The following ELAVL2 variants were observed in gnomAD, a reference collection of about 807,000 sequenced individuals.
The protein encoded by ELAVL2 is ELAV like RNA binding protein 2, also known as ELAV-like protein 2.
Under a neutral mutation model 34.6 loss-of-function variants are expected in ELAVL2, and 4 were observed. The ratio of observed to expected loss-of-function variants is 0.12; its 90% CI spans 0.06 to 0.26. ELAVL2 has a LOEUF of 0.26. Ranked by LOEUF, ELAVL2 falls within the 10% of genes least tolerant of loss-of-function variation. ELAVL2 has a pLI of 1.00. For missense variants in ELAVL2, 432 were observed against 442.8 expected (o/e 0.98, Z 0.22); for synonymous variants, 193 against 154.8 (o/e 1.25, Z -1.83).
intron 1 of ELAVL2, among the ~76,000 whole-genome samples, chr9:23,765,924 TG>T (rs2056151143): frequency 6.6e-6 from 1 of 152,134 alleles, no homozygotes; most frequent in African/African-American, 2.4e-5. Flanking sequence ...TACCACTTAT[TG>T]AAACTTGCCC....
chr9:23,752,899 A>C (rs1375980980), intron 2 of ELAVL2, among the ~76,000 whole-genome samples: 2 of 152,176 alleles, frequency 1.3e-5, no homozygotes, highest in African/African-American at 4.8e-5. Context: ...TGGTGTCAGA[A>C]ATTACTGAGT....
intron 1 of ELAVL2, among the ~76,000 whole-genome samples, chr9:23,780,878 A>C (rs1373218120): frequency 6.6e-6 from 1 of 152,218 alleles, no homozygotes; most frequent in Non-Finnish European, 1.5e-5. Flanking sequence ...CTTTCACATA[A>C]AACAGTCAGG....
At chr9:23,850,138 C>T in the ELAVL2 span, among the ~76,000 whole-genome samples, 4 of 151,726 alleles carry the variant, frequency 2.6e-5, no homozygotes, top group Non-Finnish European at 5.9e-5. Context: ...GCCAAACTAA[C>T]AAAACAAAAG....
At chr9:23,707,726 G>A (rs891095829) in intron 3 of ELAVL2, among the ~76,000 whole-genome samples, 4 of 152,128 alleles carry the variant, frequency 2.6e-5, no homozygotes, top group African/African-American at 9.7e-5. Context: ...TTCTTTATAT[G>A]GCTATTAGGA....
intron 1 of ELAVL2, among the ~76,000 whole-genome samples, chr9:23,823,166 A>C (rs904450817): frequency 2.6e-5 from 4 of 152,188 alleles, no homozygotes; most frequent in African/African-American, 9.6e-5. Context: ...AATGACCTTA[A>C]TTGACTTTGT....
chr9:23,770,650 A>T (rs900354109), intron 1 of ELAVL2, among the ~76,000 whole-genome samples: 7 of 152,204 alleles, frequency 4.6e-5, no homozygotes, highest in Admixed American at 4.6e-4. Flanking sequence ...AGCCTCTAGG[A>T]GCTGCAAAAG....
chr9:23,798,225 T>C (rs1392173731), intron 1 of ELAVL2, among the ~76,000 whole-genome samples: 5 of 152,312 alleles, frequency 3.3e-5, no homozygotes, highest in Non-Finnish European at 5.9e-5. Flanking sequence ...CAGTTCATAA[T>C]ATTAGTGCAA....
chr9:23,813,291 C>T (rs375677759), intron 1 of ELAVL2, among the ~76,000 whole-genome samples: 1 of 151,992 alleles, frequency 6.6e-6, no homozygotes, highest in Non-Finnish European at 1.5e-5. Context: ...GAGGGCCTTG[C>T]TAAGGCTGCC....
At chr9:23,701,754 C>T in intron 4 of ELAVL2, 150 bp from the exon 5 acceptor site, 2 of 869,270 alleles carry the variant, frequency 2.3e-6, no homozygotes, top group Non-Finnish European at 3.5e-6. Flanking sequence ...AGGAAACTTT[C>T]CCCTTTACTT....
chr9:23,781,004 G>A (rs1418513673), intron 1 of ELAVL2, among the ~76,000 whole-genome samples: 2 of 152,274 alleles, frequency 1.3e-5, no homozygotes, highest in African/African-American at 4.8e-5. Context: ...AAAGTCCAAA[G>A]ACAATCACTG....
chr9:23,790,302 G>C (rs185349530), intron 1 of ELAVL2, among the ~76,000 whole-genome samples: 53 of 152,254 alleles, frequency 3.5e-4, no homozygotes, highest in African/African-American at 1.2e-3. Context: ...CTGGTTGGAT[G>C]AAAGGAGAGT....
chr9:23,826,627 A>T (rs2065316314), upstream of ELAVL2, among the ~76,000 whole-genome samples: 1 of 152,236 alleles, frequency 6.6e-6, no homozygotes, highest in South Asian at 2.1e-4. Context: ...GTACTATCAG[A>T]GTTTGCGATA....
chr9:23,747,895 C>T (rs1017971284), intron 2 of ELAVL2, among the ~76,000 whole-genome samples: 5 of 151,850 alleles, frequency 3.3e-5, no homozygotes, highest in Non-Finnish European at 7.4e-5. Context: ...AGGCAGGAGG[C>T]CAAGATATAA....
intron 2 of ELAVL2, among the ~76,000 whole-genome samples, chr9:23,743,743 G>A (rs1192785272): frequency 1.3e-5 from 2 of 152,026 alleles, no homozygotes; most frequent in Non-Finnish European, 2.9e-5. Flanking sequence ...AGGGTAGAGG[G>A]TTAAAAAAAT....
chr9:23,748,328 A>C (rs778109053), intron 2 of ELAVL2, among the ~76,000 whole-genome samples: 1 of 152,182 alleles, frequency 6.6e-6, no homozygotes, highest in Non-Finnish European at 1.5e-5. Flanking sequence ...AAGTGAGGTA[A>C]CGAGAAGTAG....
chr9:23,740,124 A>G (rs553596100), intron 2 of ELAVL2, among the ~76,000 whole-genome samples: 36 of 152,296 alleles, frequency 2.4e-4, no homozygotes, highest in Non-Finnish European at 4.7e-4. Flanking sequence ...TCACCAGCCC[A>G]AACCTTCCAG....
At chr9:23,742,946 C>A (rs945787487) in intron 2 of ELAVL2, among the ~76,000 whole-genome samples, 10 of 152,100 alleles carry the variant, frequency 6.6e-5, no homozygotes, top group South Asian at 2.1e-4. Context: ...GGTGTTTGGG[C>A]TGGTGGGGGT....
intron 2 of ELAVL2, among the ~76,000 whole-genome samples, chr9:23,741,382 G>C (rs1035877186): frequency 1.3e-5 from 2 of 152,140 alleles, no homozygotes; most frequent in Non-Finnish European, 2.9e-5. Flanking sequence ...GGAGGCACAC[G>C]AGGGACCCAG....
At chr9:23,744,938 A>G (rs1403399065) in intron 2 of ELAVL2, among the ~76,000 whole-genome samples, 1 of 152,112 alleles carries the variant, frequency 6.6e-6, no homozygotes, top group Non-Finnish European at 1.5e-5. Context: ...GGCTGGGCAC[A>G]GTGGCTCCCA....
Sources: allele counts gnomAD v4.1 joint callset (sites outside exome capture counted in the v4.1 genomes callset), GRCh38; gene constraint gnomAD v4.1.1; transcripts MANE v1.5; gene names NCBI Gene and HGNC (gene_info 2026-07-23, HGNC 2026-07-21).